Variants in ANKRD31 observed in about 807,000 individuals in gnomAD.
ANKRD31 encodes the protein ankyrin repeat domain 31.
Under a neutral mutation model 186.0 loss-of-function variants are expected in ANKRD31, and 147 were observed. That is an observed-to-expected ratio of 0.79 (90% CI 0.69 to 0.91). ANKRD31 has a LOEUF of 0.91. Among genes scored for constraint, ANKRD31 ranks in the 40% least tolerant of loss-of-function variants. ANKRD31 has a pLI of 0.00. For synonymous variants in ANKRD31, 673 were observed against 736.4 expected (o/e 0.91, Z 1.39); for missense variants, 1,986 against 2,148.8 (o/e 0.92, Z 1.50).
At position 75,219,278 on chromosome 5, in the gene ANKRD31, A is replaced by G. The variant is rs144861578; in HGVS notation, c.288+2971T>C. 1.1e-3 allele frequency among the ~76,000 whole-genome samples: 163 copies of G among 152,316 alleles called. 1 individual carries two copies. In the East Asian group the frequency reaches 0.027, roughly 25 times the overall value. On this transcript the variant is annotated intron_variant, in intron 3 of 25. Coordinates refer to ENST00000506364, the MANE Select transcript of ANKRD31 (RefSeq NM_001372053.1). ...CCAAAAGCTCCTTGAGCTGATAAGC[A>G]ACTTCAGCAAAGTTTCAGAACACAA...
intron 20 of ANKRD31, among the ~76,000 whole-genome samples, chr5:75,109,252 C>G (rs1291733708): frequency 1.3e-5 from 2 of 152,060 alleles, no homozygotes; most frequent in African/African-American, 4.8e-5. Flanking sequence ...AAAATGTTAA[C>G]AATGGCAATT....
intron 5 of ANKRD31, 44 bp downstream of exon 5, chr5:75,206,367 G>A (rs1170465467): frequency 3.4e-6 from 4 of 1,178,216 alleles, no homozygotes; most frequent in Non-Finnish European, 4.3e-6. Flanking sequence ...CTATTTTTAG[G>A]CAAAGACTAA....
Position 75,188,500 on chromosome 5 carries a change from A to T in ANKRD31, c.1557T>A (p.Ser519Arg). Residue 519 changes from serine to arginine, a missense_variant, in exon 10 of 26, where the codon AGT becomes AGA. Ser to Arg is a moderately radical substitution (Grantham distance 110, BLOSUM62 -1). Transcript: ENST00000506364. ...GTGGTAATCCTAACTTACCAGCATA[A>T]CTTGGCTGATTAACATTTCCACCTT... ...IKKGGNVNQP[S>R]YAGWTALHEA... 6.5e-7 allele frequency: 1 copy of T among 1,535,168 alleles called. No homozygotes were observed. The highest frequency in any genetic ancestry group is 8.7e-7 in the Non-Finnish European group (1 of 1,146,124).
chr5:75,129,818 G>A (rs931220116), intron 17 of ANKRD31, among the ~76,000 whole-genome samples: 8 of 152,322 alleles, frequency 5.3e-5, no homozygotes, highest in South Asian at 2.1e-4. Flanking sequence ...AGTGTGAGCC[G>A]AAGCAGGGCA....
Position 75,146,813 on chromosome 5 carries a change from T to A in ANKRD31, c.2598A>T (p.Val866=). The stretch of plus-strand genomic sequence containing the variant: ...TACTGTTTTCATGAGATTTATAAAG[T>A]ACATGGTGTTGTTCCTGGAGAGTGT... The part of the protein sequence containing the change: ...QPHTLQEQHH[V]LYKSHENSNL... The change falls in exon 14 of 26, where the codon GTA becomes GTT. Residue 866 remains valine, a synonymous_variant. Transcript: ENST00000506364. The A allele has an allele frequency of 6.5e-7, 1 of 1,536,286 alleles. No homozygotes were observed. Among genetic ancestry groups the A allele is most frequent in the Non-Finnish European group, 8.7e-7 (1 of 1,146,264 alleles).
chr5:75,103,229 C>T (rs1747053281), intron 22 of ANKRD31, among the ~76,000 whole-genome samples: 3 of 152,090 alleles, frequency 2.0e-5, no homozygotes, highest in Admixed American at 2.0e-4. Flanking sequence ...ATTCATATGG[C>T]CAACAAAGAT....
chr5:75,080,390 C>T (rs1744992131), intron 25 of ANKRD31, among the ~76,000 whole-genome samples, 178 bp downstream of exon 25: 1 of 152,134 alleles, frequency 6.6e-6, no homozygotes, highest in Non-Finnish European at 1.5e-5. Flanking sequence ...CATAAAAGTT[C>T]TCTGAAATCA....
chr5:75,142,956 C>T (rs1008392263), intron 15 of ANKRD31, among the ~76,000 whole-genome samples: 4 of 152,166 alleles, frequency 2.6e-5, no homozygotes, highest in African/African-American at 7.2e-5. Flanking sequence ...TTACCACAAA[C>T]TGGGTGACTT....
chr5:75,087,876 A>G (rs1745620188), intron 23 of ANKRD31, among the ~76,000 whole-genome samples: 1 of 152,202 alleles, frequency 6.6e-6, no homozygotes, highest in African/African-American at 2.4e-5. Context: ...GCTCACCTTC[A>G]TGGTACCAAC....
chr5:75,236,463 G>C (rs1318854667), intron 1 of ANKRD31, 120 bp downstream of exon 1: 1 of 805,976 alleles, frequency 1.2e-6, no homozygotes, highest in African/African-American at 1.8e-5. Flanking sequence ...ACAAGGCTCT[G>C]ATCCTGCCCA....
chr5:75,140,990 A>G (rs192462203), intron 15 of ANKRD31, among the ~76,000 whole-genome samples: 2 of 152,168 alleles, frequency 1.3e-5, no homozygotes, highest in Non-Finnish European at 2.9e-5. Context: ...TAAGTGTGTA[A>G]TAGAGACAAC....
At chr5:75,197,197 C>T (rs1392640696) in intron 6 of ANKRD31, among the ~76,000 whole-genome samples, 2 of 152,182 alleles carry the variant, frequency 1.3e-5, no homozygotes, top group Non-Finnish European at 2.9e-5. Flanking sequence ...CCACCATGCC[C>T]AGCCTCACAA....
intron 25 of ANKRD31, among the ~76,000 whole-genome samples, chr5:75,079,952 G>T (rs1431506462): frequency 6.6e-6 from 1 of 151,924 alleles, no homozygotes; most frequent in African/African-American, 2.4e-5. Context: ...AAAAAAATTA[G>T]CTGGGCATGG....
intron 3 of ANKRD31, among the ~76,000 whole-genome samples, chr5:75,216,356 T>C (rs1756957948): frequency 6.6e-6 from 1 of 152,246 alleles, no homozygotes. Context: ...CCCAAATGGG[T>C]CTGAAAATCT....
chr5:75,076,951 T>C (rs544310236), intron 25 of ANKRD31, among the ~76,000 whole-genome samples: 4 of 152,322 alleles, frequency 2.6e-5, no homozygotes, highest in Non-Finnish European at 4.4e-5. Context: ...AAAATACATA[T>C]GCTCTAGTTA....
At chr5:75,096,471 C>T (rs929333191) in intron 22 of ANKRD31, among the ~76,000 whole-genome samples, 2 of 152,076 alleles carry the variant, frequency 1.3e-5, no homozygotes. Flanking sequence ...TGCCTGTTCG[C>T]TCTAATGATA....
In ANKRD31 at chr5:75,077,785, C is replaced by T. The variant is rs1428558071; in HGVS notation, c.5647+2783G>A. ...CTAAAAATACGAAAAATTAGCTGGG[C>T]GTGGTGGCAGGTGCCTGTAGTCCCA... On this transcript the variant is annotated intron_variant, in intron 25 of 25. Coordinates refer to ENST00000506364, the MANE Select transcript of ANKRD31 (RefSeq NM_001372053.1). 3.3e-5 allele frequency among the ~76,000 whole-genome samples: 5 copies of T among 151,884 alleles called. No homozygotes were observed. The South Asian group carries it at 6.2e-4, about 19-fold the overall frequency.
At chr5:75,205,487 C>A (rs1756119183) in intron 5 of ANKRD31, among the ~76,000 whole-genome samples, 1 of 151,512 alleles carries the variant, frequency 6.6e-6, no homozygotes, top group South Asian at 2.1e-4. Flanking sequence ...TGATCAGCTA[C>A]CCTTTAAGAA....
In ANKRD31 at chr5:75,199,611, T is replaced by G; in HGVS notation, c.447+20A>C. On this transcript the variant is annotated intron_variant, in intron 6 of 25. Transcript: ENST00000506364. ...CTAAACTCACAGTCTACATAGTTAA[T>G]TTCTGTTATACAGACCAACCTTTTC... 1 of 1,512,918 alleles carries G rather than the reference T, an allele frequency of 6.6e-7. No homozygotes were observed. The highest frequency in any genetic ancestry group is 8.8e-7 in the Non-Finnish European group (1 of 1,132,804). 93.7% of individuals were successfully genotyped at this position (1,512,918 alleles called of 1,614,324 possible).
Sources: gnomAD v4.1 joint callset for allele counts (sites outside exome capture counted in the v4.1 genomes callset) on GRCh38, gnomAD v4.1.1 for gene constraint, MANE v1.5 for transcripts, NCBI Gene and HGNC (gene_info 2026-07-23, HGNC 2026-07-21) for gene names.